ABLIM2: variants seen among roughly 807,000 people sequenced by gnomAD.
ABLIM2 encodes the protein actin-binding LIM protein 2.
In ABLIM2, 53 loss-of-function variants were observed where a neutral mutation model predicts 97.7. The ratio of observed to expected loss-of-function variants is 0.54; its 90% CI spans 0.44 to 0.68. The LOEUF is 0.68. ABLIM2 is among the 30% of genes least tolerant of loss of function. The pLI is 0.00. For missense variants in ABLIM2, 835 were observed against 867.2 expected (o/e 0.96, Z 0.47); for synonymous variants, 361 against 345.8 (o/e 1.04, Z -0.49).
rs563507237 is a variant in ABLIM2, at chr4:8,019,511, G to A, written c.1423+107C>T. On this transcript the variant is annotated intron_variant, in intron 14 of 20. Coordinates refer to ENST00000447017, the MANE Select transcript of ABLIM2 (RefSeq NM_001130083.2). The surrounding 1 kb of genome is among the most constrained non-coding windows in gnomAD (Gnocchi z 4.3). ...TCAGACTGCTAAGGGCCTTGGTGGT[G>A]CCTTCACTGCATTTATCAGAACACA... The A allele has an allele frequency of 3.6e-6, 4 of 1,097,388 alleles. No homozygotes were observed. The highest frequency in any genetic ancestry group is 5.3e-6 in the Non-Finnish European group (4 of 757,732). 68.0% of individuals were successfully genotyped at this position (1,097,388 alleles called of 1,614,324 possible). A position where few individuals can be genotyped will look rare whatever the true frequency, so the allele number is the denominator to read the frequency against.
At position 8,155,260 on chromosome 4, in the gene ABLIM2, G is replaced by A. The variant is rs960605879; in HGVS notation, c.10+3420C>T. The stretch of plus-strand genomic sequence containing the variant: ...ATTTTGTTGTTACTAGTAAGTCTGA[G>A]ATGAATGTTTCTGTGGCTACATCAT... On this transcript the variant is annotated intron_variant, in intron 1 of 20. Transcript: ENST00000447017. The surrounding 1 kb of genome is among the most constrained non-coding windows in gnomAD (Gnocchi z 4.2). 3.3e-5 allele frequency among the ~76,000 whole-genome samples: 5 copies of A among 152,206 alleles called. No individual in the cohort carries two copies. The highest frequency in any genetic ancestry group is 1.2e-4 in the African/African-American group (5 of 41,456).
chr4:8,080,842 G>A (rs757069259), intron 4 of ABLIM2, 40 bp from the exon 5 acceptor site: 3 of 1,571,508 alleles, frequency 1.9e-6, no homozygotes, highest in Non-Finnish European at 2.6e-6. Context: ...CCCCACCATT[G>A]TGAGAGGTGT....
At chr4:8,066,499 T>C (rs1225640471) in intron 6 of ABLIM2, 2 of 151,880 alleles carry the variant, frequency 1.3e-5, no homozygotes, top group Non-Finnish European at 2.9e-5. Context: ...AGCGAAAGGA[T>C]AGAAACAGCC....
chr4:8,095,451 T>A lies in ABLIM2; in HGVS notation c.338+1648A>T, dbSNP rs1831072149. On this transcript the variant is annotated intron_variant, in intron 3 of 20. Transcript: ENST00000447017. The surrounding 1 kb of genome is among the most constrained non-coding windows in gnomAD (Gnocchi z 4.7). ...ACACTGAACACTTATAAATTTTACG[T>A]TGTTGAATGCTGGATTTTTAAAAAT... 6.6e-6 allele frequency among the ~76,000 whole-genome samples: 1 copy of A among 152,200 alleles called. No individual in the cohort carries two copies. The highest frequency in any genetic ancestry group is 1.9e-4 in the East Asian group (1 of 5,204).
chr4:7,967,204 A>C, intron 20 of ABLIM2, 101 bp from the exon 21 acceptor site: 1 of 963,798 alleles, frequency 1.0e-6, no homozygotes, highest in Non-Finnish European at 1.6e-6. Context: ...GCAGGATTGC[A>C]TTGAGGATGG....
rs1284240881 is a variant in ABLIM2, at chr4:7,967,024, C to T, written c.1904G>A (p.Arg635Lys). 3 of 1,613,730 alleles carry T rather than the reference C, an allele frequency of 1.9e-6. No homozygotes were observed. The highest frequency in any genetic ancestry group is 2.5e-6 in the Non-Finnish European group (3 of 1,179,962). The part of the protein sequence containing the change: ...EEFDRLALWK[R>K]NDLKKKALLF ...AAGGGCTTTCTTCTTAAGGTCATTC[C>T]TCTTCCAGAGGGCCAGGCGGTCAAA... is the stretch of plus-strand genomic sequence containing the variant. Residue 635 changes from arginine to lysine, a missense_variant, in exon 21 of 21, where the codon AGG becomes AAG. Physicochemically the swap from Arg to Lys is conservative, Grantham distance 26 (BLOSUM62 2). Transcript: ENST00000447017.
rs547654778 is a variant in ABLIM2, at chr4:7,992,684, C to T, written c.1680+182G>A. On this transcript the variant is annotated intron_variant, in intron 17 of 20. Transcript: ENST00000447017. This position sits in a 1 kb window ranked among gnomAD's most constrained non-coding sequence, Gnocchi z 5.7. ...GGGTGTTGCCCAGGTCTGGTTCGGT[C>T]CTGCTAGGGAAAAAGCAGTGGTGGC... Among the ~76,000 whole-genome samples, 87 of 152,196 alleles carry T rather than the reference C, an allele frequency of 5.7e-4. No individual in the cohort carries two copies. Among genetic ancestry groups the T allele is most frequent in the African/African-American group, 2.0e-3 (83 of 41,534 alleles).
At position 8,148,229 on chromosome 4, in the gene ABLIM2, C is replaced by T. The variant is rs1293134600; in HGVS notation, c.10+10451G>A. ...GAAGCTCTCCTGTGGGGGCCCTGGGCCAGGCAGGTTCTGAAGGGCCCAGTG... is the reference window on the plus strand; with the variant it reads ...GAAGCTCTCCTGTGGGGGCCCTGGGTCAGGCAGGTTCTGAAGGGCCCAGTG... On this transcript the variant is annotated intron_variant, in intron 1 of 20. Transcript: ENST00000447017. The surrounding 1 kb of genome is among the most constrained non-coding windows in gnomAD (Gnocchi z 6.7). Among the ~76,000 whole-genome samples the T allele has an allele frequency of 6.6e-6, 1 of 152,170 alleles. No individual in the cohort carries two copies. Among genetic ancestry groups the T allele is most frequent in the African/African-American group, 2.4e-5 (1 of 41,422 alleles).
intron 20 of ABLIM2, among the ~76,000 whole-genome samples, chr4:7,973,285 T>C (rs952272079): frequency 1.3e-5 from 2 of 149,260 alleles, no homozygotes; most frequent in African/African-American, 5.0e-5. Context: ...CTGAGACGGG[T>C]AGATCAGGAG....
Position 8,069,602 on chromosome 4 carries a change from T to C in ABLIM2, c.675+8026A>G, listed in dbSNP as rs1048500779. Among the ~76,000 whole-genome samples the C allele has an allele frequency of 1.3e-5, 2 of 151,998 alleles. No homozygotes were observed. The highest frequency in any genetic ancestry group is 2.9e-5 in the Non-Finnish European group (2 of 67,992). ...GTCTCTGTGTTTTGCCTGGTGTCTGTGTGGATGTCTTTCCGTGTGTCTGTG... is the reference window on the plus strand; with the variant it reads ...GTCTCTGTGTTTTGCCTGGTGTCTGCGTGGATGTCTTTCCGTGTGTCTGTG... On this transcript the variant is annotated intron_variant, in intron 6 of 20. Coordinates refer to ENST00000447017, the MANE Select transcript of ABLIM2 (RefSeq NM_001130083.2). This position sits in a 1 kb window ranked among gnomAD's most constrained non-coding sequence, Gnocchi z 4.2.
At position 8,015,517 on chromosome 4, in the gene ABLIM2, T is replaced by C. The variant is rs1339730212; in HGVS notation, c.1423+4101A>G. ...GGTCAAAAAGGACCCAAAACCAAAATGAAACTCAACCCCACTAGAATCTGG... is the reference window on the plus strand; with the variant it reads ...GGTCAAAAAGGACCCAAAACCAAAACGAAACTCAACCCCACTAGAATCTGG... On this transcript the variant is annotated intron_variant, in intron 14 of 20. Coordinates refer to ENST00000447017, the MANE Select transcript of ABLIM2 (RefSeq NM_001130083.2). The surrounding 1 kb of genome is among the most constrained non-coding windows in gnomAD (Gnocchi z 4.6). Among the ~76,000 whole-genome samples, 1 of 151,986 alleles carries C rather than the reference T, an allele frequency of 6.6e-6. No individual in the cohort carries two copies. Among genetic ancestry groups the C allele is most frequent in the Non-Finnish European group, 1.5e-5 (1 of 67,996 alleles).
rs532165842 is a variant in ABLIM2 at position 8,148,186 on chromosome 4, C to T, written c.10+10494G>A. Among the ~76,000 whole-genome samples the T allele has an allele frequency of 6.6e-5, 10 of 152,324 alleles. No homozygotes were observed. The highest frequency in any genetic ancestry group is 1.0e-4 in the Non-Finnish European group (7 of 68,024). ...CAGGGGCAGAGGGAGAAAAGGAAGA[C>T]GTGGCGGCGGTGCAGCAGAAGCTCT... On this transcript the variant is annotated intron_variant, in intron 1 of 20. Transcript: ENST00000447017. This position sits in a 1 kb window ranked among gnomAD's most constrained non-coding sequence, Gnocchi z 6.7.
intron 20 of ABLIM2, among the ~76,000 whole-genome samples, chr4:7,971,184 C>G (rs1727693786): frequency 6.6e-6 from 1 of 152,192 alleles, no homozygotes; most frequent in African/African-American, 2.4e-5. Context: ...TTCAATCTCA[C>G]TCAGGGCCAG....
chr4:8,098,202 C>T (rs1180220372), intron 2 of ABLIM2, among the ~76,000 whole-genome samples: 1 of 152,200 alleles, frequency 6.6e-6, no homozygotes, highest in Non-Finnish European at 1.5e-5. Flanking sequence ...ACAGAGGAAC[C>T]CCCTGCAGCC....
At chr4:8,036,357 C>T in intron 9 of ABLIM2, 62 bp from the exon 10 acceptor site, 2 of 1,578,366 alleles carry the variant, frequency 1.3e-6, no homozygotes, top group Non-Finnish European at 8.6e-7. Context: ...AGGGCAGCAC[C>T]CCCAAAGCCG....
At chr4:8,156,387 C>T (rs1469527666) in intron 1 of ABLIM2, among the ~76,000 whole-genome samples, 3 of 152,184 alleles carry the variant, frequency 2.0e-5, no homozygotes, top group Admixed American at 6.5e-5. Flanking sequence ...ACATTGGATT[C>T]GGATCCAGGC....
chr4:8,034,481 TGGGTGCAGGTGGGTGGGTGGTA>T (rs1782958553), intron 10 of ABLIM2, among the ~76,000 whole-genome samples: 1 of 58,038 alleles, frequency 1.7e-5, no homozygotes, highest in African/African-American at 7.3e-5. Flanking sequence ...GGGTGGTAGG[TGGGTGCAGGTGGGTGGGTGGTA>T]GGTAGGTGGG....
rs982997462 is a variant in ABLIM2, at chr4:8,061,171, G to A, written c.676-117C>T. On this transcript the variant is annotated intron_variant, in intron 6 of 20. Coordinates refer to ENST00000447017, the MANE Select transcript of ABLIM2 (RefSeq NM_001130083.2). This position sits in a 1 kb window ranked among gnomAD's most constrained non-coding sequence, Gnocchi z 4.5. Reference sequence around the variant, plus strand: ...CACAGGTACTCAGGGGATACTGGAAGGGCCAGCCCCCACCATCGGGACCCA... The same window carrying A: ...CACAGGTACTCAGGGGATACTGGAAAGGCCAGCCCCCACCATCGGGACCCA... 11 of 867,562 alleles carry A rather than the reference G, an allele frequency of 1.3e-5. No homozygotes were observed. The highest frequency in any genetic ancestry group is 1.2e-4 in the South Asian group (8 of 64,366). The allele number at this position is 867,562 out of a possible 1,614,324, so 53.7% of individuals were successfully genotyped here.
At position 8,023,953 on chromosome 4, in the gene ABLIM2, G is replaced by A. The variant is rs548068465; in HGVS notation, c.1268-3650C>T. On this transcript the variant is annotated intron_variant, in intron 12 of 20. Transcript: ENST00000447017. The surrounding 1 kb of genome is among the most constrained non-coding windows in gnomAD (Gnocchi z 5.7). The stretch of plus-strand genomic sequence containing the variant: ...CGCAGAGAGGCCAGCTGGTGGCCAC[G>A]GGCAGGCCAGGTAGGATGATGCCCA... Among the ~76,000 whole-genome samples, 5 of 152,294 alleles carry A rather than the reference G, an allele frequency of 3.3e-5. No homozygotes were observed. Among genetic ancestry groups the A allele is most frequent in the African/African-American group, 7.2e-5 (3 of 41,570 alleles).
Sources: allele counts gnomAD v4.1 joint callset (sites outside exome capture counted in the v4.1 genomes callset), GRCh38; gene constraint gnomAD v4.1.1; non-coding constraint Gnocchi (gnomAD v3.1); transcripts MANE v1.5; gene names NCBI Gene and HGNC (gene_info 2026-07-23, HGNC 2026-07-21).